Variants in ASTN1 observed in about 807,000 individuals in gnomAD.
ASTN1 encodes astrotactin-1.
In ASTN1, 41 loss-of-function variants were observed where a neutral mutation model predicts 140.7. The ratio of observed to expected loss-of-function variants is 0.29; its 90% CI spans 0.23 to 0.38. The LOEUF is 0.38. ASTN1 is among the 10% of genes least tolerant of loss of function. ASTN1 has a pLI of 1.00. For synonymous variants in ASTN1, 640 were observed against 652.2 expected, an observed-to-expected ratio of 0.98 and a Z score of 0.29; for missense variants, 1,479 against 1,678.8, an observed-to-expected ratio of 0.88 and a Z score of 2.08.
At chr1:176,892,896 A>T (rs1669325523) in intron 17 of ASTN1, among the ~76,000 whole-genome samples, 1 of 152,222 alleles carries the variant, frequency 6.6e-6, no homozygotes, top group African/African-American at 2.4e-5. Flanking sequence ...AACATGTGAC[A>T]GTGACTGAAC....
Position 177,078,778 on chromosome 1 carries a change from C to A in ASTN1, c.284-17513G>T, listed in dbSNP as rs528942556. On this transcript the variant is annotated intron_variant, in intron 1 of 22. Coordinates refer to ENST00000361833, the MANE Select transcript of ASTN1 (RefSeq NM_004319.3). The stretch of plus-strand genomic sequence containing the variant: ...AGATAATGATGCTGGAAAGGACATA[C>A]ATTCTTTTTTATTATCAAAGAAAAG... Among the ~76,000 whole-genome samples, 4 of 152,264 alleles carry A rather than the reference C, an allele frequency of 2.6e-5. No homozygotes were observed. In the South Asian group the frequency reaches 6.2e-4, roughly 24 times the overall value.
chr1:177,090,226 A>G (rs1679681093), intron 1 of ASTN1, among the ~76,000 whole-genome samples: 1 of 151,390 alleles, frequency 6.6e-6, no homozygotes, highest in Non-Finnish European at 1.5e-5. Context: ...TCAGTTACCC[A>G]CACACAGTAC....
At chr1:176,945,786 A>C (rs1671928989) in intron 13 of ASTN1, 140 bp downstream of exon 13, 1 of 761,560 alleles carries the variant, frequency 1.3e-6, no homozygotes, top group South Asian at 4.2e-5. Context: ...GGAGAAGACC[A>C]AGGGTAAGAA....
At chr1:177,125,451 C>G (rs1309769398) in intron 1 of ASTN1, among the ~76,000 whole-genome samples, 1 of 152,100 alleles carries the variant, frequency 6.6e-6, no homozygotes, top group African/African-American at 2.4e-5. Flanking sequence ...TGACAAAGGC[C>G]AAGTAGTCTT....
chr1:177,072,071 T>TAACA (rs1678672227), intron 1 of ASTN1, among the ~76,000 whole-genome samples: 1 of 152,194 alleles, frequency 6.6e-6, no homozygotes, highest in African/African-American at 2.4e-5. Flanking sequence ...AAGATGGAGA[T>TAACA]AACAGCCTTC....
chr1:177,046,115 T>C (rs747341288), intron 2 of ASTN1, among the ~76,000 whole-genome samples: 27 of 152,138 alleles, frequency 1.8e-4, no homozygotes, highest in Non-Finnish European at 3.8e-4. Context: ...CACTTTTCCA[T>C]AGTTTTTTCT....
intron 1 of ASTN1, among the ~76,000 whole-genome samples, chr1:177,084,955 T>C (rs968153626): frequency 1.3e-5 from 2 of 152,190 alleles, no homozygotes; most frequent in African/African-American, 2.4e-5. Flanking sequence ...GGCATTGGCG[T>C]AAGATACTGT....
At chr1:177,086,803 C>CT (rs1315305495) in intron 1 of ASTN1, among the ~76,000 whole-genome samples, 1 of 152,014 alleles carries the variant, frequency 6.6e-6, no homozygotes, top group Admixed American at 6.6e-5. Flanking sequence ...TATTTTTCTG[C>CT]TTTTTTCTAA....
chr1:176,888,337 A>G (rs1411841881), intron 17 of ASTN1, 133 bp from the exon 18 acceptor site: 6 of 1,047,470 alleles, frequency 5.7e-6, no homozygotes, highest in Non-Finnish European at 8.3e-6. Context: ...CCACTTTATC[A>G]TTGTCTCAAA....
intron 1 of ASTN1, among the ~76,000 whole-genome samples, chr1:177,109,127 A>T (rs1308507489): frequency 2.6e-5 from 4 of 152,222 alleles, no homozygotes; most frequent in Non-Finnish European, 4.4e-5. Flanking sequence ...GTCAGTCCTC[A>T]TCAGTTTGGT....
intron 16 of ASTN1, among the ~76,000 whole-genome samples, chr1:176,915,266 C>T (rs979718326): frequency 7.9e-5 from 12 of 152,254 alleles, no homozygotes; most frequent in African/African-American, 1.4e-4. Context: ...GTGTTCTACC[C>T]GCCTTATGAC....
intron 14 of ASTN1, among the ~76,000 whole-genome samples, chr1:176,939,810 GAAGGAAGGAAGGAAGGACAGAAGA>G (rs1671636888): frequency 8.1e-6 from 1 of 123,142 alleles, no homozygotes; most frequent in East Asian, 2.5e-4. Context: ...GAGGAAGAAG[GAAGGAAGGAAGGAAGGACAGAAGA>G]AAGGAAGGAA....
At chr1:177,110,634 T>G (rs1332906955) in intron 1 of ASTN1, among the ~76,000 whole-genome samples, 4 of 152,162 alleles carry the variant, frequency 2.6e-5, no homozygotes, top group Non-Finnish European at 4.4e-5. Context: ...GAATGTAACT[T>G]TTCACTCAAT....
At chr1:177,113,970 A>G (rs1571803472) in intron 1 of ASTN1, among the ~76,000 whole-genome samples, 1 of 152,332 alleles carries the variant, frequency 6.6e-6, no homozygotes, top group South Asian at 2.1e-4. Flanking sequence ...AGATAAACTC[A>G]TAGGGGACTG....
chr1:176,965,345 C>T (rs1182353366), intron 8 of ASTN1, 108 bp from the exon 9 acceptor site: 3 of 1,062,524 alleles, frequency 2.8e-6, no homozygotes, highest in East Asian at 2.5e-5. Context: ...CCATCCAGGG[C>T]ATAGCCTCTG....
chr1:177,000,857 T>C (rs1458139766), intron 8 of ASTN1, among the ~76,000 whole-genome samples: 1 of 152,198 alleles, frequency 6.6e-6, no homozygotes, highest in African/African-American at 2.4e-5. Flanking sequence ...TCTGATGAAA[T>C]GGCTGTAGGA....
At chr1:177,037,072 G>A (rs1676754119) in intron 2 of ASTN1, among the ~76,000 whole-genome samples, 1 of 151,986 alleles carries the variant, frequency 6.6e-6, no homozygotes, top group Non-Finnish European at 1.5e-5. Context: ...CACTTGCCTC[G>A]GCCTCCCAAA....
chr1:177,158,449 T>G (rs562968174), intron 1 of ASTN1, among the ~76,000 whole-genome samples: 1 of 152,304 alleles, frequency 6.6e-6, no homozygotes, highest in East Asian at 1.9e-4. Context: ...GACCTTAACT[T>G]GTCCTGGGAG....
intron 1 of ASTN1, among the ~76,000 whole-genome samples, chr1:177,071,411 A>C (rs980616730): frequency 6.6e-6 from 1 of 152,204 alleles, no homozygotes; most frequent in Non-Finnish European, 1.5e-5. Context: ...TTAAAATAAC[A>C]GTTATGCTTT....
Sources: allele counts gnomAD v4.1 joint callset (sites outside exome capture counted in the v4.1 genomes callset), GRCh38; gene constraint gnomAD v4.1.1; transcripts MANE v1.5; gene names NCBI Gene and HGNC (gene_info 2026-07-23, HGNC 2026-07-21).